The following REV3L variants were observed in gnomAD, a reference collection of about 807,000 sequenced individuals.
REV3L encodes DNA polymerase zeta catalytic subunit.
In REV3L, 69 loss-of-function variants were observed where a neutral mutation model predicts 299.4. The ratio of observed to expected loss-of-function variants is 0.23; its 90% CI spans 0.19 to 0.28. REV3L has a LOEUF of 0.28. Ranked by LOEUF, REV3L falls within the 10% of genes least tolerant of loss-of-function variation. The pLI, the probability that REV3L is intolerant of heterozygous loss-of-function variation, is 1.00. For synonymous variants in REV3L, 1,238 were observed against 1,271.4 expected (o/e 0.97, Z 0.56); for missense variants, 3,128 against 3,693.8 (o/e 0.85, Z 3.97).
chr6:111,329,440 G>C, intron 25 of REV3L, 92 bp downstream of exon 25: 1 of 1,214,194 alleles, frequency 8.2e-7, no homozygotes, highest in South Asian at 1.2e-5. Flanking sequence ...CCACATCTTA[G>C]CTTCCAAAGT....
At chr6:111,430,996 C>A (rs960207160) in intron 1 of REV3L, 2 of 1,569,496 alleles carry the variant, frequency 1.3e-6, no homozygotes, top group Non-Finnish European at 1.7e-6. Context: ...TCAAAGAGGA[C>A]AAAAGAACAA....
At chr6:111,319,267 C>G (rs1437987395) in intron 26 of REV3L, among the ~76,000 whole-genome samples, 2 of 152,066 alleles carry the variant, frequency 1.3e-5, no homozygotes, top group East Asian at 3.9e-4. Context: ...TCAAGACCAG[C>G]CTGGCCAACA....
chr6:111,469,538 CCAA>C (rs1562362121), intron 1 of REV3L, among the ~76,000 whole-genome samples: 2 of 152,162 alleles, frequency 1.3e-5, no homozygotes, highest in Non-Finnish European at 2.9e-5. Context: ...CCCTCCCATA[CCAA>C]CTCTGGAATT....
intron 22 of REV3L, among the ~76,000 whole-genome samples, chr6:111,334,023 C>T (rs1343519734): frequency 6.6e-6 from 1 of 152,160 alleles, no homozygotes; most frequent in Non-Finnish European, 1.5e-5. Context: ...ACTGCAACCT[C>T]CACCTCCAGG....
chr6:111,318,775 G>C (rs462063), intron 26 of REV3L, among the ~76,000 whole-genome samples: 61,772 of 151,766 alleles, frequency 0.41, 15,079 homozygotes, highest in Non-Finnish European at 0.55. Flanking sequence ...TCTCCATGTT[G>C]GTCAGGCTGG....
At chr6:111,413,999 T>C (rs1784515011) in intron 2 of REV3L, among the ~76,000 whole-genome samples, 1 of 152,096 alleles carries the variant, frequency 6.6e-6, no homozygotes, top group African/African-American at 2.4e-5. Context: ...GTGTAAACTT[T>C]CACCTCATTC....
chr6:111,358,907 T>C lies in REV3L; in HGVS notation c.6987A>G (p.Ser2329=), dbSNP rs1369468348. ...DPICALFYCI[S]SDTPLPDTEK... Reference sequence around the variant, plus strand: ...CTGTATCTGGCAGTGGAGTGTCAGATGAGATGCAGTAGAACAGAGCACAGA... The same window carrying C: ...CTGTATCTGGCAGTGGAGTGTCAGACGAGATGCAGTAGAACAGAGCACAGA... Residue 2329 remains serine (S), a synonymous_variant, in exon 17 of 32, where the codon TCA becomes TCG. Transcript: ENST00000368802. 1.2e-6 allele frequency: 2 copies of C among 1,614,152 alleles called. No individual in the cohort carries two copies. The highest frequency in any genetic ancestry group is 2.2e-5 in the East Asian group (1 of 44,876).
At chr6:111,449,264 C>G (rs1395195852) in intron 1 of REV3L, among the ~76,000 whole-genome samples, 2 of 152,154 alleles carry the variant, frequency 1.3e-5, no homozygotes, top group African/African-American at 4.8e-5. Context: ...TTCAATAGCT[C>G]CCCACTTAAC....
At chr6:111,301,528 T>C (rs1287151574) in intron 31 of REV3L, among the ~76,000 whole-genome samples, 2 of 149,064 alleles carry the variant, frequency 1.3e-5, no homozygotes, top group Non-Finnish European at 3.0e-5. Flanking sequence ...AATCAAATAA[T>C]GTGAATTTGA....
At chr6:111,445,257 A>G (rs534023384) in intron 1 of REV3L, among the ~76,000 whole-genome samples, 2 of 152,326 alleles carry the variant, frequency 1.3e-5, no homozygotes, top group Admixed American at 1.3e-4. Flanking sequence ...GGGGGCAAGG[A>G]TTAAGTAACC....
At position 111,337,087 on chromosome 6, in the gene REV3L, TG is replaced by T. The variant is rs565761892; in HGVS notation, c.7539-1478del. On this transcript the variant is annotated intron_variant, in intron 21 of 31. Coordinates refer to ENST00000368802, the MANE Select transcript of REV3L (RefSeq NM_001372078.1). ...GAGGTAGAGGGTGGGGGGACTCTGG[TG>T]GAGGGGGTGATAGGAGTGATGAAAG... is the stretch of plus-strand genomic sequence containing the variant. Among the ~76,000 whole-genome samples the T allele has an allele frequency of 1.7e-3, 200 of 118,812 alleles. 2 individuals carry two copies. The highest frequency in any genetic ancestry group is 2.3e-3 in the Non-Finnish European group (130 of 56,696). The allele number at this position is 118,812 out of a possible 152,430, so 77.9% of individuals were successfully genotyped here. A position where few individuals can be genotyped will look rare whatever the true frequency, so the allele number is the denominator to read the frequency against.
At chr6:111,405,996 C>T (rs1369195338) in intron 3 of REV3L, among the ~76,000 whole-genome samples, 1 of 152,134 alleles carries the variant, frequency 6.6e-6, no homozygotes, top group East Asian at 1.9e-4. Flanking sequence ...AATCCCACCA[C>T]TCAGAGGTAT....
chr6:111,474,932 T>C (rs1234194847), intron 1 of REV3L, among the ~76,000 whole-genome samples: 1 of 151,490 alleles, frequency 6.6e-6, no homozygotes, highest in Non-Finnish European at 1.5e-5. Context: ...GCAATTACTG[T>C]CATCAGACTC....
chr6:111,344,138 A>G (rs1562154327), intron 20 of REV3L, 95 bp from the exon 21 acceptor site: 1 of 732,440 alleles, frequency 1.4e-6, no homozygotes, highest in East Asian at 2.7e-5. Flanking sequence ...AACTTTTCAT[A>G]GTAGATATTA....
intron 31 of REV3L, among the ~76,000 whole-genome samples, chr6:111,306,617 A>G (rs1258426305): frequency 6.6e-6 from 1 of 152,202 alleles, no homozygotes; most frequent in Admixed American, 6.5e-5. Flanking sequence ...GCAGTGTAAC[A>G]TGCAAATCAC....
chr6:111,427,396 A>G (rs1173825899), intron 1 of REV3L, among the ~76,000 whole-genome samples: 1 of 152,182 alleles, frequency 6.6e-6, no homozygotes, highest in African/African-American at 2.4e-5. Flanking sequence ...TAAAAAGACA[A>G]TAAAATTTTA....
chr6:111,350,202 T>TTA, intron 19 of REV3L, among the ~76,000 whole-genome samples: 1 of 152,188 alleles, frequency 6.6e-6, no homozygotes, highest in East Asian at 1.9e-4. Context: ...CTCAGAAATG[T>TTA]TATATCTTGC....
intron 1 of REV3L, among the ~76,000 whole-genome samples, chr6:111,433,915 A>G (rs915569920): frequency 6.6e-6 from 1 of 152,266 alleles, no homozygotes; most frequent in South Asian, 2.1e-4. Flanking sequence ...ATCAGTGAAC[A>G]TGATACATCA....
chr6:111,384,438 A>G (rs953133845), intron 9 of REV3L, among the ~76,000 whole-genome samples: 16 of 152,236 alleles, frequency 1.1e-4, no homozygotes, highest in African/African-American at 2.9e-4. Flanking sequence ...TCGGCAAAAG[A>G]TCTGAACAGA....
Sources: allele counts gnomAD v4.1 joint callset (sites outside exome capture counted in the v4.1 genomes callset), GRCh38; gene constraint gnomAD v4.1.1; transcripts MANE v1.5; gene names NCBI Gene and HGNC (gene_info 2026-07-23, HGNC 2026-07-21).